The following NFRKB variants were observed in gnomAD, a reference collection of about 807,000 sequenced individuals.
The protein encoded by NFRKB is nuclear factor related to kappa-B-binding protein.
In NFRKB, 62 loss-of-function variants were observed where a neutral mutation model predicts 135.7. That is an observed-to-expected ratio of 0.46 (90% CI 0.37 to 0.56). The LOEUF (loss-of-function observed/expected upper bound fraction) is 0.56. Ranked by LOEUF, NFRKB falls within the 20% of genes least tolerant of loss-of-function variation. The probability of loss-of-function intolerance (pLI) is 0.00; values close to 1 mark genes in which losing one functional copy is unlikely to be tolerated. For missense variants in NFRKB, 1,545 were observed against 1,662.0 expected (o/e 0.93, Z 1.22); for synonymous variants, 678 against 635.6 (o/e 1.07, Z -1.00).
In NFRKB at chr11:129,882,486, G is replaced by A. The variant is rs146553150; in HGVS notation, c.1047C>T (p.Ala349=). 8.7e-6 allele frequency: 14 copies of A among 1,613,732 alleles called. No homozygotes were observed. The highest frequency in any genetic ancestry group is 1.2e-5 in the Non-Finnish European group (14 of 1,179,868). The change falls in exon 10 of 27, where the codon GCC becomes GCT. Residue 349 remains alanine (A), a synonymous_variant. Transcript: ENST00000682444. ...STEGVAPLSQ[A]PSPLAIPAIK... ...TAGCAGGAATTGCCAGCGGAGAGGG[G>A]GCCTGTGAGAGAGGTGCGACCCCTT...
At position 129,888,751 on chromosome 11, in the gene NFRKB, T is replaced by C. The variant is rs748789924; in HGVS notation, c.180A>G (p.Glu60=). Residue 60 remains glutamate, a synonymous_variant, in exon 4 of 27, where the codon GAA becomes GAG. Transcript: ENST00000682444. ...FDVVSLSTWQ[E]VLSDSQREHL... ...GTTCACGTTGAGAATCACTTAACAC[T>C]TCCTGCCATGTTGAGAGGCTGACAA... 17 of 1,614,086 alleles carry C rather than the reference T, an allele frequency of 1.1e-5. No individual in the cohort carries two copies. Among genetic ancestry groups the C allele is most frequent in the Admixed American group, 1.7e-5 (1 of 60,004 alleles).
chr11:129,881,455 A>G lies in NFRKB; in HGVS notation c.1372T>C (p.Trp458Arg). 1 of 1,614,144 alleles carries G rather than the reference A, an allele frequency of 6.2e-7. No individual in the cohort carries two copies. Among genetic ancestry groups the G allele is most frequent in the Non-Finnish European group, 8.5e-7 (1 of 1,179,992 alleles). The stretch of plus-strand genomic sequence containing the variant: ...ACGGATCACTTACCAAGCAACTTCC[A>G]CTGCTGGGTTTTCTCTTTGAATTCA... ...FVEFKEKTQQ[W>R]KLLGQSQDNE... Residue 458 changes from tryptophan to arginine, a missense_variant, in exon 13 of 27, where the codon TGG becomes CGG. By Grantham distance (101) the Trp-to-Arg change is moderately radical. Around this residue, in one of 3 missense-constraint regions of NFRKB, gnomAD observed 678 missense variants for 646.7 expected, o/e 1.05. Transcript: ENST00000682444.
Position 129,874,525 on chromosome 11 carries a change from T to A in NFRKB, c.2034A>T (p.Gln678His). Residue 678 changes from glutamine to histidine, a missense_variant, in exon 20 of 27, where the codon CAA becomes CAT. Coordinates refer to ENST00000682444, the MANE Select transcript of NFRKB (RefSeq NM_001143835.2). The surrounding 1 kb of genome is among the most constrained non-coding windows in gnomAD (Gnocchi z 4.5). The stretch of plus-strand genomic sequence containing the variant: ...CCACCTTGGATGGGGGCTTGGGTTT[T>A]TGCTGAAGAGCTTTTCTGGCTTTAG... ...AAAKARKALQ[Q>H]KPKPPSKVKS... 6.2e-7 allele frequency: 1 copy of A among 1,614,154 alleles called. No homozygotes were observed. Among genetic ancestry groups the A allele is most frequent in the Non-Finnish European group, 8.5e-7 (1 of 1,180,012 alleles).
chr11:129,893,389 C>CAAAGA, intron 2 of NFRKB: 1 of 112,814 alleles, frequency 8.9e-6, no homozygotes. Flanking sequence ...CCCTTCTCTA[C>CAAAGA]AAAAAAAAAA....
At position 129,864,981 on chromosome 11, in the gene NFRKB, T is replaced by C. The variant is rs760759850; in HGVS notation, c.3759A>G (p.Gln1253=). The C allele has an allele frequency of 7.5e-5, 121 of 1,613,360 alleles. No homozygotes were observed. The highest frequency in any genetic ancestry group is 1.0e-4 in the Non-Finnish European group (119 of 1,179,868). ...TGGGCCTTACCTGTGTGGCCTGACCTTGCTGCTGAAGCTGCTGCAACTGCT... is the reference window on the plus strand; with the variant it reads ...TGGGCCTTACCTGTGTGGCCTGACCCTGCTGCTGAAGCTGCTGCAACTGCT... ...TAQQLQQLQQ[Q]GQATQVRIQT... The change falls in exon 26 of 27, where the codon CAA becomes CAG. Residue 1253 remains glutamine (Q), a synonymous_variant. Transcript: ENST00000682444.
At chr11:129,889,562 A>G (rs964277991) in intron 3 of NFRKB, among the ~76,000 whole-genome samples, 11 of 151,466 alleles carry the variant, frequency 7.3e-5, no homozygotes, top group African/African-American at 2.2e-4. Context: ...TATACTGGAT[A>G]CCTTCCACGA....
rs760255560 is a variant in NFRKB, at chr11:129,865,906, G to A, written c.3609C>T (p.Ala1203=). 9.3e-6 allele frequency: 15 copies of A among 1,613,930 alleles called. No homozygotes were observed. In the Admixed American group the frequency reaches 2.0e-4, roughly 22 times the overall value. ...QPMKGKSVVT[A]PIIKGNLGAN... ...CTCCAAGGTTGCCTTTGATGATGGG[G>A]GCTGTGACCACGCTCTTGCCCTTCA... Residue 1203 remains alanine (A), a synonymous_variant, in exon 25 of 27, where the codon GCC becomes GCT. Coordinates refer to ENST00000682444, the MANE Select transcript of NFRKB (RefSeq NM_001143835.2).
intron 13 of NFRKB, among the ~76,000 whole-genome samples, chr11:129,880,314 A>C (rs1453624335): frequency 1.3e-5 from 2 of 152,184 alleles, no homozygotes; most frequent in Admixed American, 6.5e-5. Context: ...CAAATCTAAC[A>C]GGAGCCATGC....
chr11:129,889,097 G>T (rs1478548688), intron 3 of NFRKB, among the ~76,000 whole-genome samples: 1 of 151,988 alleles, frequency 6.6e-6, no homozygotes, highest in African/African-American at 2.4e-5. Flanking sequence ...GAGTAGCTGG[G>T]ATTACAGGTG....
Position 129,874,766 on chromosome 11 carries a change from C to A in NFRKB, c.1978+27G>T. On this transcript the variant is annotated intron_variant, in intron 19 of 26. Coordinates refer to ENST00000682444, the MANE Select transcript of NFRKB (RefSeq NM_001143835.2). The surrounding 1 kb of genome is among the most constrained non-coding windows in gnomAD (Gnocchi z 4.5). ...AGTCAGAACGTATCCCCAGTCTGGT[C>A]GGACAGTGCCCAGAGGCCTCACACA... 6.2e-7 allele frequency: 1 copy of A among 1,614,080 alleles called. No individual in the cohort carries two copies. Among genetic ancestry groups the A allele is most frequent in the Non-Finnish European group, 8.5e-7 (1 of 1,180,004 alleles).
Position 129,874,266 on chromosome 11 carries a change from C to T in NFRKB, c.2126G>A (p.Ser709Asn), listed in dbSNP as rs1411387230. ...GGGTGGCATACTGGAGTCACTGAGG[C>T]TCATCTGGCTCTGCTCAGAAGGGCC... Reference protein sequence around the residue: ...SSGPSEQSQMSLSDSSMPPTP... With the variant: ...SSGPSEQSQMNLSDSSMPPTP... Residue 709 changes from serine to asparagine, a missense_variant, in exon 21 of 27, where the codon AGC becomes AAC. Ser to Asn is a conservative substitution (Grantham distance 46, BLOSUM62 1). Around this residue, in one of 3 missense-constraint regions of NFRKB, gnomAD observed 753 missense variants for 804.3 expected, o/e 0.94. Coordinates refer to ENST00000682444, the MANE Select transcript of NFRKB (RefSeq NM_001143835.2). The surrounding 1 kb of genome is among the most constrained non-coding windows in gnomAD (Gnocchi z 4.5). 2.6e-6 allele frequency: 4 copies of T among 1,516,562 alleles called. No homozygotes were observed. The highest frequency in any genetic ancestry group is 2.6e-6 in the Non-Finnish European group (3 of 1,134,558). 93.9% of individuals were successfully genotyped at this position (1,516,562 alleles called of 1,614,324 possible).
rs1198422301 is a variant in NFRKB at position 129,863,927 on chromosome 11, C to T, written c.*798G>A. On this transcript the variant is annotated 3_prime_UTR_variant, in exon 27 of 27. Coordinates refer to ENST00000682444, the MANE Select transcript of NFRKB (RefSeq NM_001143835.2). The stretch of plus-strand genomic sequence containing the variant: ...AAGCAGCACCTCTGCTGTCCGTCCC[C>T]TCCTCTCTGTCCACTGGCTCTGGAC... 1.3e-5 allele frequency: 2 copies of T among 152,360 alleles called. No homozygotes were observed. The highest frequency in any genetic ancestry group is 1.3e-4 in the Admixed American group (2 of 15,288). The allele number at this position is 152,360 out of a possible 1,614,324, so 9.4% of individuals were successfully genotyped here.
In NFRKB at chr11:129,869,184, T is replaced by C. The variant is rs114725149; in HGVS notation, c.3531+310A>G. Among the ~76,000 whole-genome samples the C allele has an allele frequency of 7.1e-3, 1,087 of 152,340 alleles. 15 individuals are homozygous for C. The highest frequency in any genetic ancestry group is 0.024 in the African/African-American group (1,011 of 41,576). On this transcript the variant is annotated intron_variant, in intron 24 of 26. Transcript: ENST00000682444. Reference sequence around the variant, plus strand: ...TCTTCATGAAGGGAGAACTGGAACGTAGTCAGGTTTTATTTTGTCTGCACT... The same window carrying C: ...TCTTCATGAAGGGAGAACTGGAACGCAGTCAGGTTTTATTTTGTCTGCACT...
chr11:129,890,288 T>C lies in NFRKB; in HGVS notation c.136-1493A>G, dbSNP rs184224375. Among the ~76,000 whole-genome samples, 787 of 152,300 alleles carry C rather than the reference T, an allele frequency of 5.2e-3. 7 individuals are homozygous for C. The highest frequency in any genetic ancestry group is 7.5e-3 in the South Asian group (36 of 4,828). On this transcript the variant is annotated intron_variant, in intron 3 of 26. Coordinates refer to ENST00000682444, the MANE Select transcript of NFRKB (RefSeq NM_001143835.2). ...AGTCCCAATGCCCAGGATCTTCCCC[T>C]GCAAGCCTATTTTTGCCTACATTTT... is the stretch of plus-strand genomic sequence containing the variant.
chr11:129,870,962 T>C (rs929670595), intron 23 of NFRKB, among the ~76,000 whole-genome samples: 2 of 152,210 alleles, frequency 1.3e-5, no homozygotes, highest in Non-Finnish European at 2.9e-5. Flanking sequence ...CTCTGCTCTC[T>C]TCAGAAGCAA....
chr11:129,870,837 G>A (rs1390228111), intron 23 of NFRKB, among the ~76,000 whole-genome samples: 2 of 151,994 alleles, frequency 1.3e-5, no homozygotes, highest in Non-Finnish European at 2.9e-5. Context: ...CCTTCTACTG[G>A]ACTACGGCCA....
intron 11 of NFRKB, 87 bp downstream of exon 11, chr11:129,881,999 A>T (rs1422558248): frequency 1.4e-6 from 2 of 1,438,070 alleles, no homozygotes; most frequent in Non-Finnish European, 9.4e-7. Flanking sequence ...AGAGGAACTC[A>T]GAGTTCCACT....
Position 129,874,139 on chromosome 11 carries a change from G to A in NFRKB, c.2253C>T (p.Val751=). 6.5e-7 allele frequency: 1 copy of A among 1,531,248 alleles called. No homozygotes were observed. Among genetic ancestry groups the A allele is most frequent in the South Asian group, 1.3e-5 (1 of 75,908 alleles). The allele number at this position is 1,531,248 out of a possible 1,614,324, so 94.9% of individuals were successfully genotyped here. The change falls in exon 21 of 27, where the codon GTC becomes GTT. Residue 751 remains valine (V), a synonymous_variant. Coordinates refer to ENST00000682444, the MANE Select transcript of NFRKB (RefSeq NM_001143835.2). This position sits in a 1 kb window ranked among gnomAD's most constrained non-coding sequence, Gnocchi z 4.5. The stretch of plus-strand genomic sequence containing the variant: ...CCGAGCTAGACTTAGCTGGTTCTGA[G>A]ACTGTGGAAGGGCCGCTTTTGTTCA... ...SAVNKSGPST[V]SEPAKSSSGV...
chr11:129,888,783 A>G lies in NFRKB; in HGVS notation c.148T>C (p.Phe50Leu). The stretch of plus-strand genomic sequence containing the variant: ...CATGTTGAGAGGCTGACAACATCAA[A>G]GAAGATCTCAGGCTAGGAGAAATAG... ...EDLLEDPEIF[F>L]DVVSLSTWQE... Residue 50 changes from phenylalanine to leucine, a missense_variant, in exon 4 of 27, where the codon TTT becomes CTT. Transcript: ENST00000682444. 7 of 1,613,318 alleles carry G rather than the reference A, an allele frequency of 4.3e-6. No homozygotes were observed. Among genetic ancestry groups the G allele is most frequent in the Non-Finnish European group, 5.9e-6 (7 of 1,179,332 alleles).
Sources: gnomAD v4.1 joint callset for allele counts (sites outside exome capture counted in the v4.1 genomes callset) on GRCh38, gnomAD v4.1.1 for gene constraint, gnomAD v4.1.1 regional missense constraint, Gnocchi (gnomAD v3.1) non-coding constraint, MANE v1.5 for transcripts, NCBI Gene and HGNC (gene_info 2026-07-23, HGNC 2026-07-21) for gene names.